CACNA2D3: variants seen among roughly 807,000 people sequenced by gnomAD.
The protein encoded by CACNA2D3 is voltage-dependent calcium channel subunit alpha-2/delta-3.
A neutral mutation model predicts 160.6 loss-of-function variants in CACNA2D3; 60 were observed. That is an observed-to-expected ratio of 0.37 (90% CI 0.30 to 0.46). The LOEUF (loss-of-function observed/expected upper bound fraction) is 0.46, where lower values mean the gene tolerates loss of function less well. Ranked by LOEUF, CACNA2D3 falls within the 20% of genes least tolerant of loss-of-function variation. CACNA2D3 has a pLI of 1.00. For missense variants in CACNA2D3, 1,205 were observed against 1,365.0 expected (o/e 0.88, Z 1.85); for synonymous variants, 558 against 492.9 (o/e 1.13, Z -1.75).
rs1702480642 is a variant in CACNA2D3 at position 54,779,000 on chromosome 3, A to C, written c.1380+14649A>C. Among the ~76,000 whole-genome samples, 3 of 152,232 alleles carry C rather than the reference A, an allele frequency of 2.0e-5. No homozygotes were observed. The South Asian group carries it at 6.2e-4, about 31-fold the overall frequency. On this transcript the variant is annotated intron_variant, in intron 13 of 37. Coordinates refer to ENST00000474759, the MANE Select transcript of CACNA2D3 (RefSeq NM_018398.3). ...TGTGTCCACGGTTTGAGGAGCTAAGATAATGGCATTCTGACATATCAGCTG... is the reference window on the plus strand; with the variant it reads ...TGTGTCCACGGTTTGAGGAGCTAAGCTAATGGCATTCTGACATATCAGCTG...
At chr3:54,927,885 G>A (rs540817362) in intron 27 of CACNA2D3, 3 of 1,613,418 alleles carry the variant, frequency 1.9e-6, no homozygotes, top group African/African-American at 1.3e-5. Context: ...CTTTTCCAAC[G>A]GGAATTGATC....
At chr3:54,425,425 A>G (rs144894173) in intron 4 of CACNA2D3, among the ~76,000 whole-genome samples, 586 of 152,370 alleles carry the variant, frequency 3.8e-3, no homozygotes, top group Admixed American at 7.5e-3. Flanking sequence ...TAGGCAAGTT[A>G]CTAACTCCTC....
chr3:54,295,365 G>T (rs1030953943), intron 2 of CACNA2D3, among the ~76,000 whole-genome samples: 1 of 152,210 alleles, frequency 6.6e-6, no homozygotes, highest in African/African-American at 2.4e-5. Context: ...AGTGAATTTA[G>T]AAAGTTTATT....
At position 54,661,838 on chromosome 3, in the gene CACNA2D3, A is replaced by ATGTGTGTGTGTGTG. The variant is rs780111250; in HGVS notation, c.1167+19604_1167+19605insGTGTGTGTGTGTGT. On this transcript the variant is annotated intron_variant, in intron 11 of 37. Transcript: ENST00000474759. ...TATGGTTCACACAGACATCTCAGGG[A>ATGTGTGTGTGTGTG]TGTGTGTATGTGTGTGTGTGTGTGT... is the stretch of plus-strand genomic sequence containing the variant. Among the ~76,000 whole-genome samples, 3 of 146,830 alleles carry ATGTGTGTGTGTGTG rather than the reference A, an allele frequency of 2.0e-5. No individual in the cohort carries two copies. The East Asian group carries it at 6.3e-4, about 31-fold the overall frequency.
chr3:54,983,707 C>G (rs1013104582), intron 29 of CACNA2D3, among the ~76,000 whole-genome samples: 3 of 152,188 alleles, frequency 2.0e-5, no homozygotes, highest in African/African-American at 7.2e-5. Context: ...TGTGGATAGG[C>G]AAATGTCCCA....
intron 2 of CACNA2D3, among the ~76,000 whole-genome samples, chr3:54,175,582 C>T (rs1056462821): frequency 4.9e-5 from 7 of 143,714 alleles, no homozygotes; most frequent in African/African-American, 1.8e-4. Flanking sequence ...CACTGCACTC[C>T]AGCCTGGGGT....
intron 9 of CACNA2D3, among the ~76,000 whole-genome samples, chr3:54,611,531 T>A (rs1206835485): frequency 6.6e-6 from 1 of 152,196 alleles, no homozygotes; most frequent in Non-Finnish European, 1.5e-5. Context: ...TCATTTTTCT[T>A]CTAAAATGCT....
intron 4 of CACNA2D3, among the ~76,000 whole-genome samples, chr3:54,417,784 A>G (rs9884005): frequency 0.39 from 48,432 of 125,520 alleles, 8,456 homozygotes; most frequent in Admixed American, 0.49. Context: ...GTGTGTGTGT[A>G]TCTGTGTGTG....
At chr3:54,887,448 A>C (rs1025202647) in intron 23 of CACNA2D3, among the ~76,000 whole-genome samples, 44 of 152,124 alleles carry the variant, frequency 2.9e-4, no homozygotes, top group African/African-American at 9.9e-4. Flanking sequence ...CAAATAAATA[A>C]AAATAAATAA....
intron 11 of CACNA2D3, among the ~76,000 whole-genome samples, chr3:54,749,378 G>T (rs1292029751): frequency 6.6e-6 from 1 of 152,166 alleles, no homozygotes; most frequent in African/African-American, 2.4e-5. Context: ...TAATGAAGGT[G>T]AACATCCTTG....
At chr3:54,860,286 T>C (rs78112913) in intron 17 of CACNA2D3, among the ~76,000 whole-genome samples, 1,981 of 152,250 alleles carry the variant, frequency 0.013, 40 homozygotes, top group African/African-American at 0.044. Flanking sequence ...GGTGTAGAGA[T>C]TTTAGAAATG....
intron 11 of CACNA2D3, among the ~76,000 whole-genome samples, chr3:54,681,072 A>G (rs1371282288): frequency 6.6e-6 from 1 of 152,108 alleles, no homozygotes; most frequent in African/African-American, 2.4e-5. Flanking sequence ...TCTGATGGCT[A>G]TATGGAGTTC....
At chr3:54,605,963 A>G (rs1168965663) in intron 9 of CACNA2D3, among the ~76,000 whole-genome samples, 1 of 152,202 alleles carries the variant, frequency 6.6e-6, no homozygotes, top group Admixed American at 6.5e-5. Flanking sequence ...CTTTACTAGT[A>G]GAATAAATTG....
At chr3:54,934,950 C>G (rs1701293263) in intron 27 of CACNA2D3, among the ~76,000 whole-genome samples, 1 of 152,162 alleles carries the variant, frequency 6.6e-6, no homozygotes, top group Non-Finnish European at 1.5e-5. Flanking sequence ...GTTGGCCAGG[C>G]TGGTCTCGAA....
intron 4 of CACNA2D3, among the ~76,000 whole-genome samples, chr3:54,481,475 C>T (rs76678686): frequency 0.026 from 3,942 of 152,234 alleles, 174 homozygotes; most frequent in African/African-American, 0.089. Flanking sequence ...ACCTGGCTTC[C>T]GTGGCTTCTC....
chr3:54,454,889 C>T (rs1700370705), intron 4 of CACNA2D3, among the ~76,000 whole-genome samples: 1 of 151,934 alleles, frequency 6.6e-6, no homozygotes, highest in Admixed American at 6.6e-5. Context: ...ACATAATGTC[C>T]TTCAGGCTCA....
chr3:54,780,454 A>G (rs1040825920), intron 13 of CACNA2D3, among the ~76,000 whole-genome samples: 1 of 152,222 alleles, frequency 6.6e-6, no homozygotes, highest in African/African-American at 2.4e-5. Context: ...AAAAGTTCCT[A>G]ACAGTGGTTT....
chr3:54,858,848 A>T (rs545053893), intron 17 of CACNA2D3, among the ~76,000 whole-genome samples: 1 of 152,234 alleles, frequency 6.6e-6, no homozygotes, highest in African/African-American at 2.4e-5. Flanking sequence ...GAAGAATTCA[A>T]TCATTTGAAT....
chr3:54,673,342 T>C (rs2106901608), intron 11 of CACNA2D3, among the ~76,000 whole-genome samples: 1 of 152,348 alleles, frequency 6.6e-6, no homozygotes, highest in African/African-American at 2.4e-5. Flanking sequence ...GGCAGGTTTC[T>C]TCATTACTGG....
Sources: gnomAD v4.1 joint callset for allele counts (sites outside exome capture counted in the v4.1 genomes callset) on GRCh38, gnomAD v4.1.1 for gene constraint, MANE v1.5 for transcripts, NCBI Gene and HGNC (gene_info 2026-07-23, HGNC 2026-07-21) for gene names.